Variants in FHDC1 observed in about 807,000 individuals in gnomAD.
FHDC1 encodes FH2 domain-containing protein 1.
A neutral mutation model predicts 52.6 loss-of-function variants in FHDC1; 25 were observed. The observed-to-expected ratio is 0.48, with a 90% CI of 0.35 to 0.66. The LOEUF (loss-of-function observed/expected upper bound fraction) is 0.66, where lower values mean the gene tolerates loss of function less well. Among genes scored for constraint, FHDC1 ranks in the 30% least tolerant of loss-of-function variants. The pLI is 0.01. For missense variants in FHDC1, 1,459 were observed against 1,452.8 expected (o/e 1.00, Z -0.07); for synonymous variants, 616 against 581.5 (o/e 1.06, Z -0.85).
chr4:152,953,524 G>A lies in FHDC1; in HGVS notation c.524G>A (p.Ser175Asn), dbSNP rs888976817. Residue 175 changes from serine (S) to asparagine (N), a missense_variant, in exon 3 of 12, where the codon AGC becomes AAC. By Grantham distance (46) the Ser-to-Asn change is conservative. Coordinates refer to ENST00000511601, the MANE Select transcript of FHDC1 (RefSeq NM_001371116.1). ...ATTACTATTTTGGATGCAAAACGGA[G>A]CATGAACATTGGGATATTTCTTAAG... ...EEITILDAKR[S>N]MNIGIFLKQF... 4 of 1,612,286 alleles carry A rather than the reference G, an allele frequency of 2.5e-6. No homozygotes were observed. The highest frequency in any genetic ancestry group is 3.3e-5 in the Admixed American group (2 of 59,960).
the FHDC1 span, among the ~76,000 whole-genome samples, chr4:152,930,301 T>G: frequency 2.0e-5 from 3 of 152,272 alleles, no homozygotes; most frequent in African/African-American, 7.2e-5. Context: ...TTGGATACAT[T>G]GTAATGTACA....
At chr4:152,939,546 G>A (rs1369660252) in intron 1 of FHDC1, among the ~76,000 whole-genome samples, 5 of 152,126 alleles carry the variant, frequency 3.3e-5, no homozygotes, top group Non-Finnish European at 5.9e-5. Context: ...CTTAACGAAC[G>A]TTCTAAGATT....
At chr4:152,971,889 C>A (rs1298274450) in intron 10 of FHDC1, among the ~76,000 whole-genome samples, 2 of 152,078 alleles carry the variant, frequency 1.3e-5, no homozygotes, top group Non-Finnish European at 2.9e-5. Flanking sequence ...CCTCACAGAG[C>A]TCATTTGGGA....
In FHDC1 at chr4:152,975,824, A is replaced by G. The variant is rs778033286; in HGVS notation, c.2533A>G (p.Lys845Glu). The change falls in exon 12 of 12, where the codon AAG becomes GAG. Residue 845 changes from lysine (K) to glutamate (E), a missense_variant. Physicochemically the swap from Lys to Glu is moderately conservative, Grantham distance 56. Around this residue, in one of 3 missense-constraint regions of FHDC1, gnomAD observed 939 missense variants for 854.5 expected, o/e 1.10. Transcript: ENST00000511601. ...CTCTGTGGATAGTGAGCCCAGCTGC[A>G]AGGGCGGCCTGCCCAGGGACAAACC... The part of the protein sequence containing the change: ...PVSVDSEPSC[K>E]GGLPRDKPTK... 2.0e-6 allele frequency: 3 copies of G among 1,520,766 alleles called. No homozygotes were observed. The highest frequency in any genetic ancestry group is 2.6e-6 in the Non-Finnish European group (3 of 1,135,886). 94.2% of individuals were successfully genotyped at this position (1,520,766 alleles called of 1,614,324 possible).
chr4:152,950,055 G>C (rs1051705885), intron 2 of FHDC1, among the ~76,000 whole-genome samples: 28 of 152,240 alleles, frequency 1.8e-4, no homozygotes, highest in East Asian at 1.2e-3. Context: ...TCACTCATTG[G>C]CTGGGTTTGT....
rs931161224 is a variant in FHDC1, at chr4:152,975,882, G to C, written c.2591G>C (p.Arg864Thr). Reference sequence around the variant, plus strand: ...AGGAAAGATGTTGTAGCACCAAAGAGAGGCTCCCTGAAAGAGGCGTCTCCC... The same window carrying C: ...AGGAAAGATGTTGTAGCACCAAAGACAGGCTCCCTGAAAGAGGCGTCTCCC... The part of the protein sequence containing the change: ...TKRKDVVAPK[R>T]GSLKEASPGA... The change falls in exon 12 of 12, where the codon AGA becomes ACA. Residue 864 changes from arginine to threonine, a missense_variant. This residue lies in a region of FHDC1 where 939 missense variants were observed against 854.5 expected (regional missense o/e 1.10). Coordinates refer to ENST00000511601, the MANE Select transcript of FHDC1 (RefSeq NM_001371116.1). 3 of 1,514,686 alleles carry C rather than the reference G, an allele frequency of 2.0e-6. No individual in the cohort carries two copies. The highest frequency in any genetic ancestry group is 2.6e-6 in the Non-Finnish European group (3 of 1,133,720). 93.8% of individuals were successfully genotyped at this position (1,514,686 alleles called of 1,614,324 possible). A position where few individuals can be genotyped will look rare whatever the true frequency, so the allele number is the denominator to read the frequency against.
At chr4:152,968,650 A>G (rs1740540811) in intron 10 of FHDC1, among the ~76,000 whole-genome samples, 1 of 152,146 alleles carries the variant, frequency 6.6e-6, no homozygotes, top group African/African-American at 2.4e-5. Context: ...GTATTTGTTT[A>G]GGGACAGTGC....
chr4:152,948,610 G>C (rs1490228589), intron 2 of FHDC1, among the ~76,000 whole-genome samples: 1 of 151,916 alleles, frequency 6.6e-6, no homozygotes, highest in Non-Finnish European at 1.5e-5. Flanking sequence ...ATACCACCAC[G>C]CCCAGCTAAT....
At chr4:152,942,269 G>A (rs536038951) in intron 1 of FHDC1, among the ~76,000 whole-genome samples, 1 of 152,316 alleles carries the variant, frequency 6.6e-6, no homozygotes, top group African/African-American at 2.4e-5. Context: ...GTGAGGCAAA[G>A]TGACTTGTCT....
At chr4:152,968,586 T>C (rs1351778605) in intron 10 of FHDC1, among the ~76,000 whole-genome samples, 1 of 152,156 alleles carries the variant, frequency 6.6e-6, no homozygotes, top group African/African-American at 2.4e-5. Flanking sequence ...TCACTGGGCC[T>C]CCCAAAGTGC....
chr4:152,924,960 T>C, the FHDC1 span, among the ~76,000 whole-genome samples: 2 of 151,580 alleles, frequency 1.3e-5, no homozygotes, highest in East Asian at 3.9e-4. Flanking sequence ...TGTATACATA[T>C]GTAACTAACC....
chr4:152,972,346 C>A (rs369719707), intron 10 of FHDC1, 31 bp from the exon 11 acceptor site: 12 of 1,578,550 alleles, frequency 7.6e-6, no homozygotes, highest in South Asian at 1.2e-5. Context: ...ACAACGTTTA[C>A]CTCAGTGTGT....
At chr4:152,945,304 T>C (rs1399645962) in intron 2 of FHDC1, among the ~76,000 whole-genome samples, 1 of 152,198 alleles carries the variant, frequency 6.6e-6, no homozygotes, top group Non-Finnish European at 1.5e-5. Flanking sequence ...AAAAATAATC[T>C]TTCTCTTGCC....
intron 2 of FHDC1, 150 bp downstream of exon 2, chr4:152,943,705 C>A: frequency 1.0e-6 from 1 of 954,920 alleles, no homozygotes; most frequent in Non-Finnish European, 1.5e-6. Flanking sequence ...AGGGTCTTTA[C>A]GATGAGCTTG....
rs1740881714 is a variant in FHDC1, at chr4:152,976,339, G to A, written c.3048G>A (p.Glu1016=). ...AGGGCCCTGAGAGTCCCAAAGAAGAGCCCAAGACCCCGTCAGTGCCCAGCG... is the reference window on the plus strand; with the variant it reads ...AGGGCCCTGAGAGTCCCAAAGAAGAACCCAAGACCCCGTCAGTGCCCAGCG... ...HSEGPESPKE[E]PKTPSVPSVP... The change falls in exon 12 of 12, where the codon GAG becomes GAA. Residue 1016 remains glutamate, a synonymous_variant. Coordinates refer to ENST00000511601, the MANE Select transcript of FHDC1 (RefSeq NM_001371116.1). 1.2e-6 allele frequency: 2 copies of A among 1,613,602 alleles called. No homozygotes were observed. Among genetic ancestry groups the A allele is most frequent in the South Asian group, 1.1e-5 (1 of 91,084 alleles).
At chr4:152,935,175 C>G (rs1361580634), upstream of FHDC1, among the ~76,000 whole-genome samples, 1 of 151,622 alleles carries the variant, frequency 6.6e-6, no homozygotes, top group Admixed American at 6.6e-5. Flanking sequence ...TTTGTTTACA[C>G]TAATAGTTTC....
chr4:152,936,453 G>A (rs1005916958), intron 1 of FHDC1, 44 bp downstream of exon 1: 1 of 152,110 alleles, frequency 6.6e-6, no homozygotes, highest in Non-Finnish European at 1.5e-5. Flanking sequence ...ACCGCGGCGC[G>A]GGACACGGGG....
Position 152,975,807 on chromosome 4 carries a change from A to T in FHDC1, c.2516A>T (p.Asp839Val). The change falls in exon 12 of 12, where the codon GAT (aspartate) becomes GTT (valine). Residue 839 changes from aspartate (D) to valine (V), a missense_variant. Asp to Val is a radical substitution (Grantham distance 152). Transcript: ENST00000511601. ...GAGGCTCCTGCCCCCGTCTCTGTGG[A>T]TAGTGAGCCCAGCTGCAAGGGCGGC... ...PGEAPAPVSV[D>V]SEPSCKGGLP... The T allele has an allele frequency of 6.5e-7, 1 of 1,527,796 alleles. No individual in the cohort carries two copies. Among genetic ancestry groups the T allele is most frequent in the Non-Finnish European group, 8.8e-7 (1 of 1,138,994 alleles). The allele number at this position is 1,527,796 out of a possible 1,614,324, so 94.6% of individuals were successfully genotyped here.
chr4:152,963,007 G>GA lies in FHDC1; in HGVS notation c.922-15dup, dbSNP rs1740331132. 1 of 1,565,970 alleles carries GA rather than the reference G, an allele frequency of 6.4e-7. No individual in the cohort carries two copies. Among genetic ancestry groups the GA allele is most frequent in the Non-Finnish European group, 8.7e-7 (1 of 1,147,982 alleles). On this transcript the variant is annotated splice_polypyrimidine_tract_variant and intron_variant, in intron 7 of 11. Transcript: ENST00000511601. Reference sequence around the variant, plus strand: ...TATGTATACATAATTTTTTCTTTTTGATTTGTCTTCTTTAGGGAGGGTATG... The same window carrying GA: ...TATGTATACATAATTTTTTCTTTTTGAATTTGTCTTCTTTAGGGAGGGTATG...
Sources: gnomAD v4.1 joint callset for allele counts (sites outside exome capture counted in the v4.1 genomes callset) on GRCh38, gnomAD v4.1.1 for gene constraint, gnomAD v4.1.1 regional missense constraint, MANE v1.5 for transcripts, NCBI Gene and HGNC (gene_info 2026-07-23, HGNC 2026-07-21) for gene names.